LMX1A: variants seen among roughly 807,000 people sequenced by gnomAD.
LMX1A encodes LIM homeobox transcription factor 1 alpha, also known as LIM homeobox transcription factor 1-alpha.
In LMX1A, 15 loss-of-function variants were observed where a neutral mutation model predicts 49.1. The ratio of observed to expected loss-of-function variants is 0.31; its 90% CI spans 0.20 to 0.47. The LOEUF is 0.47. Among genes scored for constraint, LMX1A ranks in the 20% least tolerant of loss-of-function variants. The pLI, the probability that LMX1A is intolerant of heterozygous loss-of-function variation, is 1.00. For missense variants in LMX1A, 372 were observed against 475.8 expected (o/e 0.78, Z 2.03); for synonymous variants, 167 against 185.7 (o/e 0.90, Z 0.82).
At chr1:165,255,692 G>A (rs1440140711) in intron 3 of LMX1A, among the ~76,000 whole-genome samples, 1 of 152,148 alleles carries the variant, frequency 6.6e-6, no homozygotes, top group African/African-American at 2.4e-5. Flanking sequence ...TATGAGTTCT[G>A]GTCAGGTTCA....
intron 7 of LMX1A, chr1:165,207,727 T>C: frequency 3.4e-6 from 1 of 296,722 alleles, no homozygotes; most frequent in Non-Finnish European, 6.2e-6. Flanking sequence ...TTAAATCAAT[T>C]AGCCTGGAAG....
At chr1:165,279,535 G>T (rs1228286492) in intron 3 of LMX1A, among the ~76,000 whole-genome samples, 1 of 152,220 alleles carries the variant, frequency 6.6e-6, no homozygotes, top group East Asian at 1.9e-4. Context: ...GGCTGGTGCT[G>T]ATGCTTGGCT....
At chr1:165,228,456 C>G (rs1392713648) in intron 4 of LMX1A, among the ~76,000 whole-genome samples, 1 of 152,204 alleles carries the variant, frequency 6.6e-6, no homozygotes, top group Non-Finnish European at 1.5e-5. Context: ...ATTAAACTCT[C>G]TCTGTTCTAA....
chr1:165,229,848 C>T (rs1652178980), intron 4 of LMX1A, among the ~76,000 whole-genome samples: 1 of 152,024 alleles, frequency 6.6e-6, no homozygotes, highest in Non-Finnish European at 1.5e-5. Flanking sequence ...ACTTGCCTCA[C>T]CAAAAATGCC....
At chr1:165,227,011 G>A (rs1352620500) in intron 4 of LMX1A, among the ~76,000 whole-genome samples, 1 of 152,158 alleles carries the variant, frequency 6.6e-6, no homozygotes, top group African/African-American at 2.4e-5. Context: ...AAGTGTTTTG[G>A]TAAAGACCAA....
intron 4 of LMX1A, among the ~76,000 whole-genome samples, chr1:165,237,212 T>C (rs1212708769): frequency 1.3e-5 from 2 of 152,172 alleles, no homozygotes; most frequent in Non-Finnish European, 2.9e-5. Flanking sequence ...AAGGAATGCT[T>C]GTACACTCTC....
intron 3 of LMX1A, among the ~76,000 whole-genome samples, chr1:165,322,286 CAT>C (rs1348156861): frequency 6.6e-6 from 1 of 152,128 alleles, no homozygotes; most frequent in East Asian, 1.9e-4. Flanking sequence ...AAAACTTAAA[CAT>C]AGAATTGTCA....
rs569086159 is a variant in LMX1A at position 165,235,575 on chromosome 1, G to A, written c.496+13833C>T. On this transcript the variant is annotated intron_variant, in intron 4 of 8. Coordinates refer to ENST00000342310, the MANE Select transcript of LMX1A (RefSeq NM_177398.4). Reference sequence around the variant, plus strand: ...TCTGCGGCGCGGCGCGGGGAGCGCAGGGTGGGCCCTAATCCCGGGCCCGCC... The same window carrying A: ...TCTGCGGCGCGGCGCGGGGAGCGCAAGGTGGGCCCTAATCCCGGGCCCGCC... Among the ~76,000 whole-genome samples the A allele has an allele frequency of 5.2e-4, 79 of 152,216 alleles. 1 individual carries two copies. Among genetic ancestry groups the A allele is most frequent in the African/African-American group, 1.6e-3 (68 of 41,558 alleles).
chr1:165,223,199 C>A (rs1651914315), intron 4 of LMX1A, among the ~76,000 whole-genome samples: 1 of 152,092 alleles, frequency 6.6e-6, no homozygotes, highest in Non-Finnish European at 1.5e-5. Context: ...GTCAAGCCAC[C>A]CTGATAGGAC....
chr1:165,318,862 A>G (rs1287017070), intron 3 of LMX1A, among the ~76,000 whole-genome samples: 1 of 152,122 alleles, frequency 6.6e-6, no homozygotes, highest in African/African-American at 2.4e-5. Context: ...CCACCATACC[A>G]TCTCTGTACT....
intron 3 of LMX1A, among the ~76,000 whole-genome samples, chr1:165,338,322 A>G (rs1655965141): frequency 1.3e-5 from 2 of 152,182 alleles, no homozygotes; most frequent in Non-Finnish European, 1.5e-5. Flanking sequence ...TCACTTCATC[A>G]TAACAGTTTG....
chr1:165,221,964 CTT>C (rs1651868284), intron 4 of LMX1A, among the ~76,000 whole-genome samples: 2 of 151,952 alleles, frequency 1.3e-5, no homozygotes, highest in South Asian at 4.2e-4. Context: ...CACACACACG[CTT>C]TCTCTCTCTC....
At chr1:165,281,750 G>A (rs867697719) in intron 3 of LMX1A, among the ~76,000 whole-genome samples, 70 of 146,334 alleles carry the variant, frequency 4.8e-4, no homozygotes, top group East Asian at 1.4e-3. Flanking sequence ...GTGTGTATGT[G>A]TGTGTGTGTG....
At chr1:165,337,081 T>G (rs1163438958) in intron 3 of LMX1A, among the ~76,000 whole-genome samples, 1 of 152,198 alleles carries the variant, frequency 6.6e-6, no homozygotes, top group Non-Finnish European at 1.5e-5. Context: ...TTGTTTATTT[T>G]CTTTCTTTCC....
intron 3 of LMX1A, among the ~76,000 whole-genome samples, chr1:165,284,891 G>T (rs528183386): frequency 6.6e-6 from 1 of 152,178 alleles, no homozygotes; most frequent in African/African-American, 2.4e-5. Context: ...TGCAATAGCC[G>T]CCAGAACCAA....
intron 4 of LMX1A, among the ~76,000 whole-genome samples, chr1:165,220,185 C>T (rs1338064798): frequency 6.6e-6 from 1 of 151,280 alleles, no homozygotes; most frequent in African/African-American, 2.4e-5. Flanking sequence ...TCTTAAGGAA[C>T]ATAAAACTGA....
chr1:165,248,771 C>CCA (rs1169189201), intron 4 of LMX1A, among the ~76,000 whole-genome samples: 1 of 152,188 alleles, frequency 6.6e-6, no homozygotes, highest in East Asian at 1.9e-4. Flanking sequence ...ATTATTGGTT[C>CCA]CAATCCATCA....
At chr1:165,205,014 C>CA (rs577912774) in intron 8 of LMX1A, among the ~76,000 whole-genome samples, 35 of 145,568 alleles carry the variant, frequency 2.4e-4, no homozygotes, top group African/African-American at 4.5e-4. Context: ...TTCATGAAGG[C>CA]AAAAAAAAAA....
intron 3 of LMX1A, among the ~76,000 whole-genome samples, chr1:165,275,225 A>T (rs558531044): frequency 1.3e-5 from 2 of 152,334 alleles, no homozygotes; most frequent in South Asian, 4.1e-4. Flanking sequence ...AGCACCCGAC[A>T]GCCCCGAGTC....
Sources: gnomAD v4.1 joint callset for allele counts (sites outside exome capture counted in the v4.1 genomes callset) on GRCh38, gnomAD v4.1.1 for gene constraint, MANE v1.5 for transcripts, NCBI Gene and HGNC (gene_info 2026-07-23, HGNC 2026-07-21) for gene names.